Variants in SPMIP2 observed in about 807,000 individuals in gnomAD.
SPMIP2 encodes protein SPMIP2.
the SPMIP2 span, among the ~76,000 whole-genome samples, chr4:159,052,701 T>G: frequency 6.6e-6 from 1 of 151,296 alleles, no homozygotes; most frequent in Non-Finnish European, 1.5e-5. Flanking sequence ...TGGTGCGATC[T>G]CGGCTCACTG....
the SPMIP2 span, among the ~76,000 whole-genome samples, chr4:158,976,828 A>G: frequency 1.3e-5 from 2 of 151,562 alleles, no homozygotes; most frequent in Admixed American, 1.3e-4. Context: ...CGCCCAGCTA[A>G]TTTTTCTATT....
At chr4:158,959,271 T>C in the SPMIP2 span, among the ~76,000 whole-genome samples, 6 of 152,208 alleles carry the variant, frequency 3.9e-5, no homozygotes, top group African/African-American at 1.4e-4. Flanking sequence ...TTTCTTTGCT[T>C]GGAAATATTT....
the SPMIP2 span, among the ~76,000 whole-genome samples, chr4:158,935,004 T>A: frequency 1.3e-5 from 2 of 152,356 alleles, no homozygotes; most frequent in African/African-American, 4.8e-5. Flanking sequence ...ATCACTTCCT[T>A]AAAGAATTTA....
chr4:158,976,066 G>A, the SPMIP2 span, among the ~76,000 whole-genome samples: 1 of 152,254 alleles, frequency 6.6e-6, no homozygotes, highest in South Asian at 2.1e-4. Context: ...TAGCAATTGT[G>A]ACTGGGAGTT....
the SPMIP2 span, among the ~76,000 whole-genome samples, chr4:158,942,090 G>A: frequency 6.6e-6 from 1 of 152,192 alleles, no homozygotes; most frequent in Non-Finnish European, 1.5e-5. Flanking sequence ...TTAGCCTTTA[G>A]GCTGCTAGAC....
At chr4:158,948,478 T>G in the SPMIP2 span, among the ~76,000 whole-genome samples, 1 of 152,286 alleles carries the variant, frequency 6.6e-6, no homozygotes, top group East Asian at 1.9e-4. Flanking sequence ...TCAAGAAGTG[T>G]GATACCATAT....
At chr4:158,923,108 C>T in the SPMIP2 span, among the ~76,000 whole-genome samples, 3 of 152,240 alleles carry the variant, frequency 2.0e-5, no homozygotes, top group South Asian at 4.1e-4. Context: ...AAAATTTATT[C>T]CTTTGATCTA....
chr4:158,932,806 T>C, the SPMIP2 span, among the ~76,000 whole-genome samples: 1 of 152,162 alleles, frequency 6.6e-6, no homozygotes, highest in African/African-American at 2.4e-5. Flanking sequence ...AAGCTGCTGA[T>C]GTTCATAGTT....
Sources: allele counts gnomAD v4.1 joint callset (sites outside exome capture counted in the v4.1 genomes callset), GRCh38; gene constraint gnomAD v4.1.1; transcripts MANE v1.5; gene names NCBI Gene and HGNC (gene_info 2026-07-23, HGNC 2026-07-21).